The following ZNF280D variants were observed in gnomAD, a reference collection of about 807,000 sequenced individuals.
ZNF280D encodes suppressor of hairy wing homolog 4.
ZNF280D carries 39 observed loss-of-function variants against 94.7 expected under a neutral mutation model. The ratio of observed to expected loss-of-function variants is 0.41; its 90% CI spans 0.32 to 0.54. The LOEUF is 0.54. Among genes scored for constraint, ZNF280D ranks in the 20% least tolerant of loss-of-function variants. The pLI, the probability that ZNF280D is intolerant of heterozygous loss-of-function variation, is 0.22. For missense variants in ZNF280D, 1,090 were observed against 1,149.3 expected (o/e 0.95, Z 0.75); for synonymous variants, 398 against 377.6 (o/e 1.05, Z -0.63).
At chr15:56,703,448 T>G (rs1252717899) in intron 4 of ZNF280D, among the ~76,000 whole-genome samples, 3 of 152,158 alleles carry the variant, frequency 2.0e-5, no homozygotes, top group Non-Finnish European at 2.9e-5. Flanking sequence ...GAAGTCCCGT[T>G]TGAGACTAAC....
chr15:56,706,138 G>C (rs1340368205), intron 3 of ZNF280D, among the ~76,000 whole-genome samples: 2 of 131,768 alleles, frequency 1.5e-5, no homozygotes, highest in Non-Finnish European at 3.2e-5. Flanking sequence ...GAGGAGATTA[G>C]GACACAGACA....
chr15:56,698,904 C>G (rs2056901938), intron 6 of ZNF280D: 1 of 152,192 alleles, frequency 6.6e-6, no homozygotes. Flanking sequence ...ACTTCCCCAA[C>G]AGAATTTCAG....
At chr15:56,654,105 T>G in intron 19 of ZNF280D, 93 bp downstream of exon 19, 1 of 1,540,862 alleles carries the variant, frequency 6.5e-7, no homozygotes, top group Non-Finnish European at 8.7e-7. Context: ...CAACATACTT[T>G]AATACTTTTC....
intron 1 of ZNF280D, among the ~76,000 whole-genome samples, chr15:56,721,462 A>G (rs1176281276): frequency 2.6e-5 from 4 of 152,210 alleles, no homozygotes; most frequent in Non-Finnish European, 5.9e-5. Context: ...AATAAATAGA[A>G]GTCTATTTAA....
intron 1 of ZNF280D, among the ~76,000 whole-genome samples, chr15:56,725,817 TAA>T: frequency 6.8e-6 from 1 of 147,668 alleles, no homozygotes; most frequent in African/African-American, 2.5e-5. Context: ...TTCAGGTGAT[TAA>T]AAAAAAAAAC....
intron 19 of ZNF280D, among the ~76,000 whole-genome samples, chr15:56,650,502 T>C (rs1353858780): frequency 2.0e-5 from 3 of 152,276 alleles, no homozygotes; most frequent in Non-Finnish European, 1.5e-5. Context: ...TTTCCCATTG[T>C]ACTTTGCTTA....
At chr15:56,692,426 A>C (rs1157512362) in intron 7 of ZNF280D, among the ~76,000 whole-genome samples, 1 of 152,104 alleles carries the variant, frequency 6.6e-6, no homozygotes, top group African/African-American at 2.4e-5. Context: ...TTGCTAAGAT[A>C]CAAAGAGTAA....
At chr15:56,662,042 G>A (rs1366067075) in intron 16 of ZNF280D, among the ~76,000 whole-genome samples, 1 of 151,892 alleles carries the variant, frequency 6.6e-6, no homozygotes, top group African/African-American at 2.4e-5. Context: ...TTCCTAGTAG[G>A]TACATAATAA....
intron 19 of ZNF280D, 177 bp from the exon 20 acceptor site, chr15:56,643,174 G>A (rs1469384216): frequency 2.8e-5 from 11 of 391,514 alleles, no homozygotes; most frequent in Non-Finnish European, 5.1e-5. Flanking sequence ...TTAAACGTAT[G>A]AGACTAAATA....
intron 19 of ZNF280D, among the ~76,000 whole-genome samples, chr15:56,643,856 T>G (rs1280842768): frequency 1.3e-5 from 2 of 151,744 alleles, no homozygotes; most frequent in Non-Finnish European, 3.0e-5. Context: ...ATAACATATT[T>G]AACATAAGCA....
rs571785184 is a variant in ZNF280D, at chr15:56,658,880, T to C, written c.1995-394A>G. 3.6e-4 allele frequency among the ~76,000 whole-genome samples: 55 copies of C among 152,300 alleles called. No individual in the cohort carries two copies. The Middle Eastern group carries it at 0.014, about 38-fold the overall frequency. On this transcript the variant is annotated intron_variant, in intron 16 of 21. Coordinates refer to ENST00000267807, the MANE Select transcript of ZNF280D (RefSeq NM_017661.4). ...GTTATTAATAGTAATTCTTTTTTATTACTCTCCAATTTTAACATGTTTGTG... is the reference window on the plus strand; with the variant it reads ...GTTATTAATAGTAATTCTTTTTTATCACTCTCCAATTTTAACATGTTTGTG...
At chr15:56,656,317 C>T (rs897484767) in intron 17 of ZNF280D, among the ~76,000 whole-genome samples, 2 of 152,110 alleles carry the variant, frequency 1.3e-5, no homozygotes, top group Non-Finnish European at 2.9e-5. Flanking sequence ...TATAACTATG[C>T]TAAGCTCTAT....
At position 56,631,356 on chromosome 15, in the gene ZNF280D, G is replaced by T; in HGVS notation, c.*142C>A. ...TGAATTGATTTGTTTGATAACATAG[G>T]TTGAACATACAGGTAAAGTGTATGT... On this transcript the variant is annotated 3_prime_UTR_variant, in exon 22 of 22. Coordinates refer to ENST00000267807, the MANE Select transcript of ZNF280D (RefSeq NM_017661.4). 3 of 848,970 alleles carry T rather than the reference G, an allele frequency of 3.5e-6. No individual in the cohort carries two copies. The highest frequency in any genetic ancestry group is 1.9e-5 in the South Asian group (1 of 53,776). The allele number at this position is 848,970 out of a possible 1,614,324, so 52.6% of individuals were successfully genotyped here. A position where few individuals can be genotyped will look rare whatever the true frequency, so the allele number is the denominator to read the frequency against.
At chr15:56,638,827 C>T (rs1444129022) in intron 20 of ZNF280D, among the ~76,000 whole-genome samples, 3 of 151,984 alleles carry the variant, frequency 2.0e-5, no homozygotes. Flanking sequence ...CGCAGGAGTT[C>T]TGCAGTGTTC....
At chr15:56,675,880 T>C (rs2140956415) in intron 13 of ZNF280D, among the ~76,000 whole-genome samples, 1 of 152,178 alleles carries the variant, frequency 6.6e-6, no homozygotes, top group South Asian at 2.1e-4. Context: ...GTAAATCCAT[T>C]GGTTTCTAAT....
intron 1 of ZNF280D, among the ~76,000 whole-genome samples, chr15:56,707,688 C>A (rs532193362): frequency 3.3e-5 from 5 of 152,156 alleles, no homozygotes; most frequent in Admixed American, 6.5e-5. Context: ...TGCAAGAAAA[C>A]ACAATTTTAA....
chr15:56,710,813 T>C (rs551589275), intron 1 of ZNF280D, among the ~76,000 whole-genome samples: 109 of 152,262 alleles, frequency 7.2e-4, no homozygotes, highest in East Asian at 1.9e-3. Context: ...GCACATACTA[T>C]GGACACAGGT....
At chr15:56,657,957 A>C (rs1247642301) in intron 17 of ZNF280D, among the ~76,000 whole-genome samples, 4 of 152,172 alleles carry the variant, frequency 2.6e-5, no homozygotes, top group African/African-American at 9.6e-5. Context: ...GGGCCTCAAA[A>C]TGAAAACAAT....
chr15:56,673,471 G>C (rs1392758294), intron 13 of ZNF280D, among the ~76,000 whole-genome samples: 1 of 151,950 alleles, frequency 6.6e-6, no homozygotes, highest in Non-Finnish European at 1.5e-5. Flanking sequence ...TTCAACGATT[G>C]CTACCATACT....
Sources: allele counts gnomAD v4.1 joint callset (sites outside exome capture counted in the v4.1 genomes callset), GRCh38; gene constraint gnomAD v4.1.1; transcripts MANE v1.5; gene names NCBI Gene and HGNC (gene_info 2026-07-23, HGNC 2026-07-21).